The following LYRM1 variants were observed in gnomAD, a reference collection of about 807,000 sequenced individuals.
LYRM1 encodes the protein LYR motif-containing protein 1.
LYRM1 carries 14 observed loss-of-function variants against 14.9 expected under a neutral mutation model. That is an observed-to-expected ratio of 0.94 (90% confidence interval 0.62 to 1.47). LYRM1 has a LOEUF of 1.47. Among genes scored for constraint, LYRM1 ranks in the 40% most tolerant of loss-of-function variants. The pLI, the probability that LYRM1 is intolerant of heterozygous loss-of-function variation, is 0.00. For synonymous variants in LYRM1, 43 were observed against 56.2 expected (o/e 0.77, Z 1.05); for missense variants, 153 against 149.9 (o/e 1.02, Z -0.11).
chr16:20,914,152 A>G (rs1403248473), intron 1 of LYRM1, among the ~76,000 whole-genome samples: 1 of 152,180 alleles, frequency 6.6e-6, no homozygotes, highest in Non-Finnish European at 1.5e-5. Flanking sequence ...ACAAGAAAGT[A>G]GACCAACGAT....
At chr16:20,920,101 T>C in intron 2 of LYRM1, 21 bp from the exon 3 acceptor site, 1 of 1,556,540 alleles carries the variant, frequency 6.4e-7, no homozygotes, top group Non-Finnish European at 8.9e-7. Context: ...ATCAGCCTCA[T>C]TTCTTTCTCC....
In LYRM1 at chr16:20,915,713, A is replaced by G; in HGVS notation, c.158A>G (p.Asn53Ser). 1 of 1,613,458 alleles carries G rather than the reference A, an allele frequency of 6.2e-7. No individual in the cohort carries two copies. Among genetic ancestry groups the G allele is most frequent in the South Asian group, 1.1e-5 (1 of 91,082 alleles). ...AGAACGCTGTTCCGGAAAAACAAAA[A>G]TGTAAGTAGGCCCCACTTGGAGATT... ...EARTLFRKNK[N>S]LTDTDLIKQC... The change falls in exon 2 of 4, where the codon AAT becomes AGT. Residue 53 changes from asparagine to serine, a missense_variant and splice_region_variant. Asn to Ser is a conservative substitution (Grantham distance 46, BLOSUM62 1). Transcript: ENST00000567954.
chr16:20,918,039 A>G (rs574280291), intron 2 of LYRM1, among the ~76,000 whole-genome samples: 22 of 152,034 alleles, frequency 1.4e-4, no homozygotes, highest in African/African-American at 4.6e-4. Flanking sequence ...CCTCAACCCC[A>G]TGCTGGCCGC....
chr16:20,915,625 C>T lies in LYRM1; in HGVS notation c.70C>T (p.Gln24Ter), dbSNP rs202208739. 189 of 1,613,958 alleles carry T rather than the reference C, an allele frequency of 1.2e-4. No homozygotes were observed. Among genetic ancestry groups the T allele is most frequent in the Non-Finnish European group, 1.5e-4 (172 of 1,180,006 alleles). Residue 24 changes from glutamine to a stop codon, truncating the protein, a stop_gained, in exon 2 of 4, where the codon CAG (glutamine) becomes TAG (stop). Transcript: ENST00000567954. LOFTEE classifies it high-confidence loss of function. ...CATTTTCAGGCTTGCGAGGAAATGG[C>T]AGGCGACATCAGGGCAGATGGAAGA... ...RSIFRLARKW[Q>*]ATSGQMEDTI...
At chr16:20,906,265 A>G (rs2082315226) in intron 1 of LYRM1, among the ~76,000 whole-genome samples, 1 of 152,246 alleles carries the variant, frequency 6.6e-6, no homozygotes, top group African/African-American at 2.4e-5. Context: ...GATGGAAGTC[A>G]AAAGGTGGAA....
At chr16:20,917,010 G>A (rs1162844605) in intron 2 of LYRM1, among the ~76,000 whole-genome samples, 1 of 149,964 alleles carries the variant, frequency 6.7e-6, no homozygotes, top group Non-Finnish European at 1.5e-5. Flanking sequence ...TTGAGCCCAG[G>A]AGTTCGAGAC....
intron 1 of LYRM1, among the ~76,000 whole-genome samples, chr16:20,914,411 C>T (rs1205063839): frequency 6.6e-6 from 1 of 151,284 alleles, no homozygotes; most frequent in African/African-American, 2.4e-5. Flanking sequence ...GACTCAGCCT[C>T]CCAAGTAGCT....
At chr16:20,904,297 C>T (rs1487069472) in intron 1 of LYRM1, among the ~76,000 whole-genome samples, 4 of 152,102 alleles carry the variant, frequency 2.6e-5, no homozygotes, top group East Asian at 1.9e-4. Flanking sequence ...GTGTGCGCTC[C>T]GGTGCTGGTA....
intron 1 of LYRM1, among the ~76,000 whole-genome samples, chr16:20,913,876 T>C (rs2152542955): frequency 6.6e-6 from 1 of 152,048 alleles, no homozygotes; most frequent in Middle Eastern, 3.4e-3. Context: ...TGGCCGGATC[T>C]CAGCTTACTG....
chr16:20,922,692 G>A (rs916320345), intron 3 of LYRM1, among the ~76,000 whole-genome samples: 1 of 152,140 alleles, frequency 6.6e-6, no homozygotes, highest in African/African-American at 2.4e-5. Context: ...GTTTCACTAT[G>A]TTGGCCAGGC....
chr16:20,915,816 C>T (rs2082865549), intron 2 of LYRM1, 102 bp downstream of exon 2: 3 of 1,287,022 alleles, frequency 2.3e-6, no homozygotes, highest in Non-Finnish European at 3.2e-6. Flanking sequence ...GCCGCACAGT[C>T]ATGGTGGCAG....
intron 1 of LYRM1, among the ~76,000 whole-genome samples, chr16:20,913,317 G>GTT (rs5816141): frequency 8.9e-5 from 11 of 123,308 alleles, no homozygotes; most frequent in African/African-American, 2.9e-4. Context: ...TCTTTTCTTT[G>GTT]TTTTTTTTTT....
intron 3 of LYRM1, among the ~76,000 whole-genome samples, chr16:20,922,495 G>A (rs1032426467): frequency 1.3e-5 from 2 of 151,752 alleles, no homozygotes; most frequent in African/African-American, 4.8e-5. Context: ...GAGTTTTTTT[G>A]GTTCTTTTTT....
At chr16:20,919,753 T>C (rs2083088987) in intron 2 of LYRM1, among the ~76,000 whole-genome samples, 1 of 152,228 alleles carries the variant, frequency 6.6e-6, no homozygotes, top group South Asian at 2.1e-4. Flanking sequence ...AAGGGAGCTA[T>C]TGTTTGTGTG....
rs11544267 is a variant in LYRM1, at chr16:20,924,028, C to A, written c.281C>A (p.Pro94Gln). The stretch of plus-strand genomic sequence containing the variant: ...CATCTGCCTCCAATGGGCCTTACCC[C>A]ACTCCGAGGCCGGGGACTTCGAAGC... ...PIHLPPMGLTPLRGRGLRSQE... is the reference protein window; with the variant it reads ...PIHLPPMGLTQLRGRGLRSQE... Residue 94 changes from proline (P) to glutamine (Q), a missense_variant, in exon 4 of 4, where the codon CCA becomes CAA. Coordinates refer to ENST00000567954, the MANE Select transcript of LYRM1 (RefSeq NM_001128302.3). The A allele has an allele frequency of 1.2e-6, 2 of 1,612,112 alleles. No individual in the cohort carries two copies. Among genetic ancestry groups the A allele is most frequent in the East Asian group, 4.5e-5 (2 of 44,872 alleles).
intron 2 of LYRM1, among the ~76,000 whole-genome samples, chr16:20,917,625 G>T (rs982074194): frequency 6.6e-6 from 1 of 152,052 alleles, no homozygotes; most frequent in Admixed American, 6.6e-5. Context: ...GGGTGTGGTG[G>T]TGCACACCTG....
At chr16:20,923,914 A>T in intron 3 of LYRM1, 86 bp from the exon 4 acceptor site, 1 of 718,872 alleles carries the variant, frequency 1.4e-6, no homozygotes, top group Non-Finnish European at 2.4e-6. Context: ...AGCAGAGAAT[A>T]TGGTACTTTC....
chr16:20,904,691 T>TTTGTGTGTG (rs148224628), intron 1 of LYRM1, among the ~76,000 whole-genome samples: 86 of 141,148 alleles, frequency 6.1e-4, no homozygotes, highest in African/African-American at 2.1e-3. Context: ...AAGTCTGTGG[T>TTTGTGTGTG]TGTGTGTGTG....
In LYRM1 at chr16:20,924,248, CT is replaced by C. The variant is rs1486266989; in HGVS notation, c.*133del. 6.6e-6 allele frequency: 4 copies of C among 607,506 alleles called. 1 individual carries two copies. The Middle Eastern group carries it at 1.3e-3, about 200-fold the overall frequency. 37.6% of individuals were successfully genotyped at this position (607,506 alleles called of 1,614,324 possible). The stretch of plus-strand genomic sequence containing the variant: ...AAAACCTCCACAATTGATTCTCCCC[CT>C]GTGATGTAAACTTAGATATCCCTAG... On this transcript the variant is annotated 3_prime_UTR_variant, in exon 4 of 4. Coordinates refer to ENST00000567954, the MANE Select transcript of LYRM1 (RefSeq NM_001128302.3).
Sources: allele counts gnomAD v4.1 joint callset (sites outside exome capture counted in the v4.1 genomes callset), GRCh38; gene constraint gnomAD v4.1.1; transcripts MANE v1.5; gene names NCBI Gene and HGNC (gene_info 2026-07-23, HGNC 2026-07-21).